ADAMTSL1: variants seen among roughly 807,000 people sequenced by gnomAD.
ADAMTSL1 encodes ADAMTS-like protein 1.
Under a neutral mutation model 201.8 loss-of-function variants are expected in ADAMTSL1, and 126 were observed. The ratio of observed to expected loss-of-function variants is 0.62; its 90% CI spans 0.54 to 0.72. ADAMTSL1 has a LOEUF of 0.72. Among genes scored for constraint, ADAMTSL1 ranks in the 30% least tolerant of loss-of-function variants. The pLI is 0.00. For missense variants in ADAMTSL1, 2,679 were observed against 2,277.8 expected (o/e 1.18, Z -3.59); for synonymous variants, 1,121 against 903.4 (o/e 1.24, Z -4.32).
intron 1 of ADAMTSL1, among the ~76,000 whole-genome samples, chr9:18,120,503 C>G (rs1825452422): frequency 6.6e-6 from 1 of 152,186 alleles, no homozygotes; most frequent in African/African-American, 2.4e-5. Context: ...ACTTTCTAAG[C>G]AGGGATTTGT....
chr9:18,677,524 AAAGGT>A (rs1420138479), intron 10 of ADAMTSL1, among the ~76,000 whole-genome samples: 5 of 152,090 alleles, frequency 3.3e-5, no homozygotes, highest in African/African-American at 1.2e-4. Flanking sequence ...ATTTCAAGAT[AAAGGT>A]AAAGTTGGAC....
At chr9:18,109,694 CT>C (rs2131876802) in intron 1 of ADAMTSL1, among the ~76,000 whole-genome samples, 1 of 152,284 alleles carries the variant, frequency 6.6e-6, no homozygotes, top group South Asian at 2.1e-4. Context: ...TTTAGACCCC[CT>C]TTACCAAAAT....
chr9:18,436,937 A>C (rs1202134920), intron 2 of ADAMTSL1, among the ~76,000 whole-genome samples: 1 of 152,132 alleles, frequency 6.6e-6, no homozygotes, highest in African/African-American at 2.4e-5. Context: ...GACCCACCAT[A>C]AAGTTGTAGC....
At chr9:18,422,519 CGTT>C (rs1389124992) in intron 2 of ADAMTSL1, among the ~76,000 whole-genome samples, 1 of 152,124 alleles carries the variant, frequency 6.6e-6, no homozygotes, top group Admixed American at 6.5e-5. Flanking sequence ...TCCTGAGCCT[CGTT>C]GTTCACCCAC....
chr9:18,610,538 TA>T (rs1475111757), intron 4 of ADAMTSL1, among the ~76,000 whole-genome samples: 4 of 152,228 alleles, frequency 2.6e-5, no homozygotes, highest in Non-Finnish European at 1.5e-5. Flanking sequence ...GAAAAAGGGT[TA>T]TATTTGTTAA....
At chr9:18,477,966 A>G (rs974195592) in intron 1 of ADAMTSL1, among the ~76,000 whole-genome samples, 3 of 152,208 alleles carry the variant, frequency 2.0e-5, no homozygotes, top group East Asian at 1.9e-4. Context: ...TTGAAAAAGC[A>G]TATGGAAATT....
chr9:18,071,628 C>T (rs959883533), intron 1 of ADAMTSL1, among the ~76,000 whole-genome samples: 2 of 152,200 alleles, frequency 1.3e-5, no homozygotes, highest in Non-Finnish European at 2.9e-5. Context: ...AAATGGCCCT[C>T]TGCTTTTATC....
At chr9:18,295,006 C>T (rs747007089) in intron 2 of ADAMTSL1, among the ~76,000 whole-genome samples, 1 of 152,058 alleles carries the variant, frequency 6.6e-6, no homozygotes, top group Non-Finnish European at 1.5e-5. Context: ...TAGATCACAG[C>T]GTGTGGCTGT....
intron 7 of ADAMTSL1, among the ~76,000 whole-genome samples, chr9:18,656,531 A>C (rs998574794): frequency 1.3e-5 from 2 of 149,278 alleles, no homozygotes; most frequent in Non-Finnish European, 3.0e-5. Flanking sequence ...CGGGAGGCTG[A>C]GGCAGAAGAA....
rs557528636 is a variant in ADAMTSL1, at chr9:17,983,810, T to TAA, written c.87+76897_87+76898dup. Among the ~76,000 whole-genome samples, 27 of 149,762 alleles carry TAA rather than the reference T, an allele frequency of 1.8e-4. No homozygotes were observed. In the East Asian group the frequency reaches 4.1e-3, roughly 23 times the overall value. ...TGTTTGTTAGTGAGGCTTTTGAAGT[T>TAA]AAAAAAAAAATCCAGCACATAAACT... is the stretch of plus-strand genomic sequence containing the variant. On this transcript the variant is annotated intron_variant, in intron 1 of 29. Coordinates refer to the ADAMTSL1 transcript ENST00000680146.
At chr9:18,239,366 A>C (rs192936178) in intron 2 of ADAMTSL1, among the ~76,000 whole-genome samples, 1 of 152,318 alleles carries the variant, frequency 6.6e-6, no homozygotes, top group Non-Finnish European at 1.5e-5. Flanking sequence ...AACTAAATTT[A>C]TGGAAATATT....
At chr9:18,625,407 G>C (rs1826302401) in intron 5 of ADAMTSL1, among the ~76,000 whole-genome samples, 1 of 152,046 alleles carries the variant, frequency 6.6e-6, no homozygotes, top group African/African-American at 2.4e-5. Flanking sequence ...GCTGCCATTT[G>C]CTGGTGATTT....
chr9:18,366,297 G>A (rs897488645), intron 2 of ADAMTSL1, among the ~76,000 whole-genome samples: 2 of 148,802 alleles, frequency 1.3e-5, no homozygotes, highest in Non-Finnish European at 3.0e-5. Flanking sequence ...AGCAGAAAAA[G>A]ATTGAGCGTG....
In ADAMTSL1 at chr9:18,690,960, T is replaced by G. The variant is rs534317583; in HGVS notation, c.1574+6160T>G. 2.3e-3 allele frequency among the ~76,000 whole-genome samples: 347 copies of G among 152,360 alleles called. 3 individuals carry two copies. The highest frequency in any genetic ancestry group is 3.4e-3 in the Non-Finnish European group (231 of 68,036). On this transcript the variant is annotated intron_variant, in intron 13 of 28. Coordinates refer to ENST00000380548, the MANE Select transcript of ADAMTSL1 (RefSeq NM_001040272.6). Reference sequence around the variant, plus strand: ...GCCCTATGCCATGCTATGTACCAGGTGCAGGTATTGCAAAAATAACCAGTC... The same window carrying G: ...GCCCTATGCCATGCTATGTACCAGGGGCAGGTATTGCAAAAATAACCAGTC...
At chr9:18,265,186 C>A (rs551102669) in intron 2 of ADAMTSL1, among the ~76,000 whole-genome samples, 1 of 152,198 alleles carries the variant, frequency 6.6e-6, no homozygotes, top group South Asian at 2.1e-4. Context: ...ACATACTGGC[C>A]TCCTTCTGCT....
chr9:18,489,250 C>T (rs376786184), intron 1 of ADAMTSL1, among the ~76,000 whole-genome samples: 2 of 152,194 alleles, frequency 1.3e-5, no homozygotes, highest in Admixed American at 1.3e-4. Context: ...TTTATAAACT[C>T]CCTTCCTCCC....
In ADAMTSL1 at chr9:18,657,657, G is replaced by A. The variant is rs748431522; in HGVS notation, c.853G>A (p.Ala285Thr). The change falls in exon 8 of 29, where the codon GCT (alanine) becomes ACT (threonine). Residue 285 changes from alanine to threonine, a missense_variant. By Grantham distance (58) the Ala-to-Thr change is moderately conservative (BLOSUM62 0). Transcript: ENST00000380548. ...CCTGCAGATTCGTAACTCGGGCTCCGCTGACAGTACAGTCCAGTTCATCTT... is the reference window on the plus strand; with the variant it reads ...CCTGCAGATTCGTAACTCGGGCTCCACTGACAGTACAGTCCAGTTCATCTT... ...FIVKIRNSGS[A>T]DSTVQFIFYQ... is the part of the protein sequence containing the mutation. 9 of 1,613,922 alleles carry A rather than the reference G, an allele frequency of 5.6e-6. No homozygotes were observed. Among genetic ancestry groups the A allele is most frequent in the East Asian group, 2.2e-5 (1 of 44,892 alleles).
At chr9:18,876,329 T>TGTGTGTGC (rs901063156) in intron 23 of ADAMTSL1, among the ~76,000 whole-genome samples, 22 of 151,128 alleles carry the variant, frequency 1.5e-4, no homozygotes, top group African/African-American at 5.1e-4. Flanking sequence ...TGTGTGTGTG[T>TGTGTGTGC]GCGTGATTGT....
At chr9:18,309,072 C>T (rs929079207) in intron 2 of ADAMTSL1, among the ~76,000 whole-genome samples, 1 of 152,104 alleles carries the variant, frequency 6.6e-6, no homozygotes, top group Non-Finnish European at 1.5e-5. Context: ...TAAACAAAAC[C>T]AATGACAAAA....
Sources: allele counts gnomAD v4.1 joint callset (sites outside exome capture counted in the v4.1 genomes callset), GRCh38; gene constraint gnomAD v4.1.1; transcripts MANE v1.5; gene names NCBI Gene and HGNC (gene_info 2026-07-23, HGNC 2026-07-21).